Variants in DPP10 observed in about 807,000 individuals in gnomAD.
DPP10 encodes inactive dipeptidyl peptidase 10.
In DPP10, 33 loss-of-function variants were observed where a neutral mutation model predicts 120.9. The observed-to-expected ratio is 0.27, with a 90% CI of 0.21 to 0.37. DPP10 has a LOEUF of 0.37. Among genes scored for constraint, DPP10 ranks in the 10% least tolerant of loss-of-function variants. DPP10 has a pLI of 1.00. For synonymous variants in DPP10, 337 were observed against 326.1 expected (o/e 1.03, Z -0.36); for missense variants, 816 against 942.8 (o/e 0.87, Z 1.76).
intron 1 of DPP10, among the ~76,000 whole-genome samples, chr2:114,717,525 A>G (rs917571939): frequency 1.3e-5 from 2 of 152,240 alleles, no homozygotes; most frequent in African/African-American, 2.4e-5. Flanking sequence ...GAAAAGGTAA[A>G]GATTTATAAT....
At chr2:115,261,037 C>G (rs1322507494) in intron 1 of DPP10, among the ~76,000 whole-genome samples, 1 of 152,130 alleles carries the variant, frequency 6.6e-6, no homozygotes, top group Non-Finnish European at 1.5e-5. Context: ...GAGGCATTGT[C>G]TGGAAACTGC....
intron 1 of DPP10, among the ~76,000 whole-genome samples, chr2:115,208,496 T>C (rs13007061): frequency 0.077 from 11,742 of 152,216 alleles, 541 homozygotes; most frequent in East Asian, 0.17. Context: ...AGAAGAGAAA[T>C]GTTTAATGGC....
chr2:114,861,083 G>A (rs1019957064), intron 1 of DPP10, among the ~76,000 whole-genome samples: 9 of 152,076 alleles, frequency 5.9e-5, no homozygotes, highest in Admixed American at 1.3e-4. Flanking sequence ...TTATGAATAC[G>A]CTATTTGTGT....
chr2:114,616,013 A>G (rs766771581), intron 1 of DPP10, among the ~76,000 whole-genome samples: 9 of 152,150 alleles, frequency 5.9e-5, no homozygotes, highest in Admixed American at 3.9e-4. Flanking sequence ...CTGAACTAAA[A>G]TTTATTTGAA....
chr2:115,170,719 G>A (rs1040035812), intron 1 of DPP10, among the ~76,000 whole-genome samples: 1 of 152,084 alleles, frequency 6.6e-6, no homozygotes, highest in Admixed American at 6.5e-5. Flanking sequence ...TAGGAATTGT[G>A]TGTACCCTAC....
rs1449217861 is a variant in DPP10 at position 114,934,272 on chromosome 2, G to A, written c.61-374967G>A. On this transcript the variant is annotated intron_variant, in intron 1 of 25. Coordinates refer to ENST00000410059, the MANE Select transcript of DPP10 (RefSeq NM_020868.6). ...CTCCCCAAAAACTTAACTACTAATA[G>A]CCTCCTTTGACTGGAAGCCTTACCA... Among the ~76,000 whole-genome samples the A allele has an allele frequency of 2.6e-5, 4 of 152,094 alleles. 1 individual carries two copies.
chr2:114,536,402 CTTTTTCTTTTT>C (rs1558857140), intron 1 of DPP10, among the ~76,000 whole-genome samples: 1 of 109,942 alleles, frequency 9.1e-6, no homozygotes, highest in Non-Finnish European at 2.0e-5. Context: ...CTTTCTTTTT[CTTTTTCTTTTT>C]TTTTTTTTTT....
In DPP10 at chr2:115,243,589, A is replaced by G. The variant is rs138315488; in HGVS notation, c.61-65650A>G. On this transcript the variant is annotated intron_variant, in intron 1 of 25. Coordinates refer to ENST00000410059, the MANE Select transcript of DPP10 (RefSeq NM_020868.6). ...GATAAAACAAAATGATTGAGTAGAA[A>G]ATCTCACCATGATCTTTGACTTACT... 3.4e-3 allele frequency among the ~76,000 whole-genome samples: 523 copies of G among 152,258 alleles called. 2 individuals carry two copies. Among genetic ancestry groups the G allele is most frequent in the African/African-American group, 0.012 (510 of 41,562 alleles).
intron 5 of DPP10, among the ~76,000 whole-genome samples, chr2:115,624,469 A>T (rs2085208033): frequency 6.6e-6 from 1 of 152,204 alleles, no homozygotes; most frequent in South Asian, 2.1e-4. Flanking sequence ...TTAGAAGTGC[A>T]GAGAATGAGC....
chr2:115,032,502 T>C lies in DPP10; in HGVS notation c.61-276737T>C, dbSNP rs562863486. On this transcript the variant is annotated intron_variant, in intron 1 of 25. Coordinates refer to ENST00000410059, the MANE Select transcript of DPP10 (RefSeq NM_020868.6). ...TTAGCAATAATCAACTGAGTGTTAA[T>C]AGTCCTTGGAGAGGCAGAACATTTA... Among the ~76,000 whole-genome samples, 8 of 152,320 alleles carry C rather than the reference T, an allele frequency of 5.3e-5. No homozygotes were observed. The East Asian group carries it at 1.5e-3, about 29-fold the overall frequency.
At position 115,696,230 on chromosome 2, in the gene DPP10, C is replaced by G. The variant is rs1026151195; in HGVS notation, c.576+6309C>G. Among the ~76,000 whole-genome samples the G allele has an allele frequency of 8.5e-5, 13 of 152,048 alleles. No individual in the cohort carries two copies. The South Asian group carries it at 1.2e-3, about 15-fold the overall frequency. On this transcript the variant is annotated intron_variant, in intron 7 of 25. Transcript: ENST00000410059. Reference sequence around the variant, plus strand: ...TAACAGCCCCAAATTTGATGAAAATCATTAGTATAAATAACCAAGAGCTCA... The same window carrying G: ...TAACAGCCCCAAATTTGATGAAAATGATTAGTATAAATAACCAAGAGCTCA...
intron 2 of DPP10, among the ~76,000 whole-genome samples, chr2:115,327,678 C>CAT (rs1018619933): frequency 1.3e-5 from 2 of 151,974 alleles, no homozygotes; most frequent in Admixed American, 6.6e-5. Context: ...AGCAACTGAC[C>CAT]ATATGCTTTT....
chr2:114,653,461 C>T (rs1015765084), intron 1 of DPP10, among the ~76,000 whole-genome samples: 1 of 152,018 alleles, frequency 6.6e-6, no homozygotes, highest in South Asian at 2.1e-4. Flanking sequence ...AAAAGTCACC[C>T]AGTTTGTAGT....
At chr2:115,666,552 T>C (rs2089468365) in intron 5 of DPP10, among the ~76,000 whole-genome samples, 1 of 152,190 alleles carries the variant, frequency 6.6e-6, no homozygotes, top group African/African-American at 2.4e-5. Flanking sequence ...GGTTATGGCC[T>C]CCAGCTATAT....
intron 1 of DPP10, among the ~76,000 whole-genome samples, chr2:115,093,729 GACACACA>G (rs1709477308): frequency 6.6e-6 from 1 of 151,926 alleles, no homozygotes; most frequent in Non-Finnish European, 1.5e-5. Flanking sequence ...TATATGCAGA[GACACACA>G]CATAAACTTT....
At chr2:114,579,695 C>T (rs539039761) in intron 1 of DPP10, among the ~76,000 whole-genome samples, 152 of 152,224 alleles carry the variant, frequency 1.0e-3, no homozygotes, top group Non-Finnish European at 2.0e-3. Context: ...TAAATCTCGT[C>T]GGAGAGAAGG....
At position 115,689,934 on chromosome 2, in the gene DPP10, A is replaced by G. The variant is rs763134577; in HGVS notation, c.576+13A>G. ...AGGGCAGCAGCTGGTAAGCGCAGGC[A>G]TTGGTATGCACTGAACACTGCCAAT... On this transcript the variant is annotated intron_variant, in intron 7 of 25. Coordinates refer to ENST00000410059, the MANE Select transcript of DPP10 (RefSeq NM_020868.6). 4 of 1,613,306 alleles carry G rather than the reference A, an allele frequency of 2.5e-6. No individual in the cohort carries two copies. Among genetic ancestry groups the G allele is most frequent in the Non-Finnish European group, 3.4e-6 (4 of 1,179,536 alleles).
chr2:115,162,632 A>C (rs1381575331), intron 1 of DPP10, among the ~76,000 whole-genome samples: 2 of 151,946 alleles, frequency 1.3e-5, no homozygotes, highest in Non-Finnish European at 2.9e-5. Context: ...GGCATTAACG[A>C]TTAAGTGGAG....
intron 3 of DPP10, among the ~76,000 whole-genome samples, chr2:115,447,280 G>A (rs187115263): frequency 6.6e-6 from 1 of 152,310 alleles, no homozygotes; most frequent in East Asian, 1.9e-4. Flanking sequence ...TACCCCCATT[G>A]TATCTTGGAA....
Sources: gnomAD v4.1 joint callset for allele counts (sites outside exome capture counted in the v4.1 genomes callset) on GRCh38, gnomAD v4.1.1 for gene constraint, MANE v1.5 for transcripts, NCBI Gene and HGNC (gene_info 2026-07-23, HGNC 2026-07-21) for gene names.